Variants in ZBTB7C observed in about 807,000 individuals in gnomAD.
The protein encoded by ZBTB7C is zinc finger and BTB domain containing 7C.
A neutral mutation model predicts 25.7 loss-of-function variants in ZBTB7C; 8 were observed. The ratio of observed to expected loss-of-function variants is 0.31; its 90% CI spans 0.18 to 0.56. ZBTB7C has a LOEUF of 0.56. Among genes scored for constraint, ZBTB7C ranks in the 20% least tolerant of loss-of-function variants. The pLI, the probability that ZBTB7C is intolerant of heterozygous loss-of-function variation, is 0.91. For missense variants in ZBTB7C, 824 were observed against 855.2 expected (o/e 0.96, Z 0.46); for synonymous variants, 394 against 369.0 (o/e 1.07, Z -0.78).
chr18:48,040,333 G>A lies in ZBTB7C; in HGVS notation c.775C>T (p.Leu259Phe). ...SPFAPDFFPH[L>F]WPGDFGAFAQ... ...AAGGCACCGAAGTCCCCTGGCCAGA[G>A]GTGTGGAAAGAAGTCCGGGGCGAAT... The change falls in exon 4 of 5, where the codon CTC becomes TTC. Residue 259 changes from leucine (L) to phenylalanine (F), a missense_variant. This residue lies in a region of ZBTB7C where 316 missense variants were observed against 299.2 expected (regional missense o/e 1.06). Coordinates refer to ENST00000590800, the MANE Select transcript of ZBTB7C (RefSeq NM_001318841.2). The A allele has an allele frequency of 1.2e-6, 2 of 1,601,864 alleles. No homozygotes were observed. The highest frequency in any genetic ancestry group is 1.7e-6 in the Non-Finnish European group (2 of 1,174,144).
At chr18:48,297,449 G>A (rs557124177) in intron 2 of ZBTB7C, among the ~76,000 whole-genome samples, 2 of 152,134 alleles carry the variant, frequency 1.3e-5, no homozygotes, top group South Asian at 2.1e-4. Flanking sequence ...GTCATGCATC[G>A]GCTGTTCATT....
chr18:48,141,153 C>CT (rs1555699063), intron 3 of ZBTB7C, among the ~76,000 whole-genome samples: 1 of 148,686 alleles, frequency 6.7e-6, no homozygotes, highest in South Asian at 2.2e-4. Context: ...ACCACCCCCC[C>CT]CACTGTTCCT....
At chr18:48,325,148 T>C (rs1053539287) in intron 2 of ZBTB7C, among the ~76,000 whole-genome samples, 2 of 152,222 alleles carry the variant, frequency 1.3e-5, no homozygotes, top group African/African-American at 4.8e-5. Context: ...CTGAGACCTC[T>C]TTCTAAGATG....
At chr18:48,209,272 G>T (rs142357669) in intron 2 of ZBTB7C, among the ~76,000 whole-genome samples, 159 of 152,294 alleles carry the variant, frequency 1.0e-3, no homozygotes, top group African/African-American at 3.5e-3. Context: ...TGGCATCTGG[G>T]AACTTCCATG....
chr18:48,152,371 AT>A (rs776180028), intron 3 of ZBTB7C, among the ~76,000 whole-genome samples: 3 of 152,238 alleles, frequency 2.0e-5, no homozygotes, highest in African/African-American at 4.8e-5. Flanking sequence ...GACTAGAACT[AT>A]AATTTGTTCG....
intron 4 of ZBTB7C, among the ~76,000 whole-genome samples, chr18:48,033,408 AG>A (rs1444840504): frequency 6.6e-6 from 1 of 152,236 alleles, no homozygotes; most frequent in Non-Finnish European, 1.5e-5. Context: ...TGCTGCAGAA[AG>A]GGCAGACCAG....
intron 1 of ZBTB7C, among the ~76,000 whole-genome samples, chr18:48,354,670 T>A (rs376507284): frequency 6.6e-6 from 1 of 152,188 alleles, no homozygotes; most frequent in Non-Finnish European, 1.5e-5. Flanking sequence ...TTGAGAGACA[T>A]GGATATTTCT....
chr18:48,257,531 A>G (rs2044054743), intron 2 of ZBTB7C, among the ~76,000 whole-genome samples: 2 of 152,174 alleles, frequency 1.3e-5, no homozygotes, highest in African/African-American at 4.8e-5. Flanking sequence ...ACTGAAGGGA[A>G]GGGAATATTT....
intron 3 of ZBTB7C, among the ~76,000 whole-genome samples, chr18:48,079,186 G>T (rs2037886378): frequency 6.6e-6 from 1 of 152,162 alleles, no homozygotes; most frequent in Non-Finnish European, 1.5e-5. Context: ...TGCCTTGTTT[G>T]GGATCATACA....
intron 1 of ZBTB7C, among the ~76,000 whole-genome samples, chr18:48,357,374 C>T (rs1183256954): frequency 6.6e-6 from 1 of 152,210 alleles, no homozygotes; most frequent in Non-Finnish European, 1.5e-5. Context: ...CAGCTGGGAA[C>T]TGGGACGCAG....
At chr18:48,267,155 T>C (rs2044339763) in intron 2 of ZBTB7C, among the ~76,000 whole-genome samples, 1 of 152,200 alleles carries the variant, frequency 6.6e-6, no homozygotes. Context: ...GGTCATCTTC[T>C]TCTAGCCCAG....
chr18:48,367,372 A>ATATATATATATATATATATAT (rs1555752154), intron 1 of ZBTB7C, among the ~76,000 whole-genome samples: 1 of 116,186 alleles, frequency 8.6e-6, no homozygotes, highest in African/African-American at 3.2e-5. Flanking sequence ...ATATATATAT[A>ATATATATATATATATATATAT]AAATACAAAC....
At chr18:48,377,818 C>T (rs1378381248) in intron 1 of ZBTB7C, among the ~76,000 whole-genome samples, 1 of 152,182 alleles carries the variant, frequency 6.6e-6, no homozygotes, top group African/African-American at 2.4e-5. Context: ...CTCTTAACAG[C>T]TCAGAAATTG....
At chr18:48,293,170 G>C (rs2045283513) in intron 2 of ZBTB7C, among the ~76,000 whole-genome samples, 1 of 152,222 alleles carries the variant, frequency 6.6e-6, no homozygotes, top group Non-Finnish European at 1.5e-5. Flanking sequence ...TTCAAAACTA[G>C]AAATGTATTG....
chr18:48,291,135 A>G (rs937027022), intron 2 of ZBTB7C, among the ~76,000 whole-genome samples: 1 of 152,172 alleles, frequency 6.6e-6, no homozygotes, highest in Non-Finnish European at 1.5e-5. Context: ...ATGCACCACC[A>G]CTATAAGTAG....
chr18:48,394,560 T>G (rs145614727), intron 1 of ZBTB7C, among the ~76,000 whole-genome samples: 5 of 152,334 alleles, frequency 3.3e-5, no homozygotes, highest in African/African-American at 1.2e-4. Flanking sequence ...TGATATATTT[T>G]GGAAAGGTAA....
At chr18:48,232,111 C>T (rs934095585) in intron 2 of ZBTB7C, among the ~76,000 whole-genome samples, 8 of 152,206 alleles carry the variant, frequency 5.3e-5, no homozygotes, top group South Asian at 4.1e-4. Context: ...GTGGGCAAAA[C>T]GAGCCCAGGA....
chr18:48,159,523 T>A (rs1242946622), intron 3 of ZBTB7C, among the ~76,000 whole-genome samples: 1 of 152,186 alleles, frequency 6.6e-6, no homozygotes, highest in African/African-American at 2.4e-5. Flanking sequence ...CTACTACAAA[T>A]CATGCCTACA....
intron 3 of ZBTB7C, chr18:48,185,311 C>T (rs1473229394): frequency 2.2e-6 from 1 of 449,362 alleles, no homozygotes; most frequent in Admixed American, 2.4e-5. Flanking sequence ...CCAGCCAGAG[C>T]TGGTGCACAC....
Sources: gnomAD v4.1 joint callset for allele counts (sites outside exome capture counted in the v4.1 genomes callset) on GRCh38, gnomAD v4.1.1 for gene constraint, gnomAD v4.1.1 regional missense constraint, MANE v1.5 for transcripts, NCBI Gene and HGNC (gene_info 2026-07-23, HGNC 2026-07-21) for gene names.